Variants in UNC93A observed in about 807,000 individuals in gnomAD.
UNC93A encodes unc-93 homolog A, also known as N-acetylglucosamine transporter UNC93A.
UNC93A carries 43 observed loss-of-function variants against 47.5 expected under a neutral mutation model. That is an observed-to-expected ratio of 0.91 (90% CI 0.71 to 1.17). The LOEUF (loss-of-function observed/expected upper bound fraction) is 1.17, where lower values mean the gene tolerates loss of function less well. Among genes scored for constraint, UNC93A ranks in the 50% most tolerant of loss-of-function variants. The pLI is 0.00. For synonymous variants in UNC93A, 280 were observed against 258.0 expected (o/e 1.09, Z -0.82); for missense variants, 605 against 577.6 (o/e 1.05, Z -0.49).
chr6:167,308,787 C>T (rs529141252), intron 7 of UNC93A, among the ~76,000 whole-genome samples: 2 of 152,140 alleles, frequency 1.3e-5, no homozygotes, highest in East Asian at 3.9e-4. Context: ...TATGTGGAGT[C>T]GGCCCCGTGT....
chr6:167,314,177 A>G (rs1223484325), intron 7 of UNC93A, among the ~76,000 whole-genome samples: 1 of 152,168 alleles, frequency 6.6e-6, no homozygotes, highest in Non-Finnish European at 1.5e-5. Context: ...CTCCAGCACT[A>G]AGGGAGGGGT....
rs412495 is a variant in UNC93A at position 167,275,452 on chromosome 6, C to A, written c.-52+3994C>A. Among the ~76,000 whole-genome samples, 2 of 152,116 alleles carry A rather than the reference C, an allele frequency of 1.3e-5. 1 individual carries two copies. Among genetic ancestry groups the A allele is most frequent in the Admixed American group, 1.3e-4 (2 of 15,294 alleles). On this transcript the variant is annotated intron_variant, in intron 1 of 3. Transcript: ENST00000503433. Reference sequence around the variant, plus strand: ...ATCAGTTTCCAGGAGCTGGCACTCTCCACATTTGGGCTTTCATGATACCTG... The same window carrying A: ...ATCAGTTTCCAGGAGCTGGCACTCTACACATTTGGGCTTTCATGATACCTG...
chr6:167,312,356 C>T (rs1033885823), intron 7 of UNC93A, among the ~76,000 whole-genome samples: 3 of 152,044 alleles, frequency 2.0e-5, no homozygotes, highest in Non-Finnish European at 4.4e-5. Context: ...CGCGGTTCTG[C>T]GGGAGCGAGT....
At chr6:167,297,010 A>G (rs182666785) in intron 3 of UNC93A, among the ~76,000 whole-genome samples, 117 of 152,238 alleles carry the variant, frequency 7.7e-4, no homozygotes, top group Non-Finnish European at 1.3e-3. Flanking sequence ...CCTTTTTCTC[A>G]TGCGATGTCA....
At chr6:167,285,245 G>A (rs1234687397) in intron 1 of UNC93A, among the ~76,000 whole-genome samples, 5 of 151,908 alleles carry the variant, frequency 3.3e-5, no homozygotes, top group Non-Finnish European at 7.4e-5. Flanking sequence ...TAGGCCAAGG[G>A]GAGGGGCCCT....
chr6:167,288,699 A>C (rs1224831882), upstream of UNC93A, among the ~76,000 whole-genome samples: 2 of 152,248 alleles, frequency 1.3e-5, no homozygotes, highest in Non-Finnish European at 2.9e-5. Context: ...ATTCCTTAAA[A>C]AAGCAAACCA....
At chr6:167,309,475 A>T (rs1466887774) in intron 7 of UNC93A, among the ~76,000 whole-genome samples, 1 of 152,110 alleles carries the variant, frequency 6.6e-6, no homozygotes, top group Non-Finnish European at 1.5e-5. Flanking sequence ...AGAGATGCTG[A>T]TGAGGTGAGA....
At chr6:167,298,185 T>C (rs765617476) in intron 4 of UNC93A, 115 bp downstream of exon 4, 7 of 1,454,242 alleles carry the variant, frequency 4.8e-6, no homozygotes, top group Non-Finnish European at 6.4e-6. Context: ...TCTTCTGAAA[T>C]ATCCTTGCAA....
chr6:167,305,049 C>A (rs886350701), intron 5 of UNC93A, among the ~76,000 whole-genome samples: 10 of 152,166 alleles, frequency 6.6e-5, no homozygotes, highest in African/African-American at 2.2e-4. Context: ...AGAGCTGGAC[C>A]AGCAAGGGCC....
intron 2 of UNC93A, among the ~76,000 whole-genome samples, chr6:167,294,910 C>G (rs567724909): frequency 1.3e-5 from 2 of 152,244 alleles, no homozygotes; most frequent in Admixed American, 6.5e-5. Flanking sequence ...CTGTGCCCCC[C>G]ACTGCTTCTG....
chr6:167,294,564 C>G lies in UNC93A; in HGVS notation c.135C>G (p.Thr45=), dbSNP rs553492986. 106 of 1,613,974 alleles carry G rather than the reference C, an allele frequency of 6.6e-5. No homozygotes were observed. The highest frequency in any genetic ancestry group is 1.0e-4 in the Admixed American group (6 of 59,990). The stretch of plus-strand genomic sequence containing the variant: ...GCCTGGGTGTCACAGCGCTCAGCAC[C>G]CTCTATGGAGGCATGCTCCTGTCCT... ...EEGLGVTALS[T]LYGGMLLSSM... The change falls in exon 2 of 8, where the codon ACC becomes ACG. Residue 45 remains threonine, a synonymous_variant. Transcript: ENST00000230256.
chr6:167,283,870 T>G (rs914532213), intron 1 of UNC93A, among the ~76,000 whole-genome samples: 2 of 152,088 alleles, frequency 1.3e-5, no homozygotes, highest in Admixed American at 1.3e-4. Context: ...AGACAGTAAT[T>G]TGTAGATATT....
chr6:167,307,952 G>T lies in UNC93A; in HGVS notation c.1108+42G>T, dbSNP rs774949313. 9 of 1,607,730 alleles carry T rather than the reference G, an allele frequency of 5.6e-6. No homozygotes were observed. In the South Asian group the frequency reaches 8.8e-5, roughly 16 times the overall value. ...GGCCCCTTCCTCTGTGGCAGCAGGG[G>T]GCGGTCCCTGGCCAAGGCAACTGTG... is the stretch of plus-strand genomic sequence containing the variant. On this transcript the variant is annotated intron_variant, in intron 7 of 7. Coordinates refer to ENST00000230256, the MANE Select transcript of UNC93A (RefSeq NM_018974.4).
chr6:167,306,417 G>A (rs1023849681), intron 6 of UNC93A, among the ~76,000 whole-genome samples: 3 of 152,196 alleles, frequency 2.0e-5, no homozygotes, highest in Non-Finnish European at 4.4e-5. Context: ...AAGACACGCT[G>A]GGGTTGGGGC....
intron 2 of UNC93A, 23 bp downstream of exon 2, chr6:167,294,721 C>T: frequency 6.4e-7 from 1 of 1,568,450 alleles, no homozygotes; most frequent in East Asian, 2.3e-5. Context: ...CACCCCCTGC[C>T]CACCCCACCC....
intron 1 of UNC93A, among the ~76,000 whole-genome samples, chr6:167,280,623 C>G (rs1783616438): frequency 6.6e-6 from 1 of 152,300 alleles, no homozygotes; most frequent in South Asian, 2.1e-4. Flanking sequence ...TCTAGGTCAG[C>G]TGGAGTGGCT....
Position 167,315,427 on chromosome 6 carries a change from A to G in UNC93A, c.1349A>G (p.Asp450Gly), listed in dbSNP as rs1213761960. 3 of 1,614,002 alleles carry G rather than the reference A, an allele frequency of 1.9e-6. No individual in the cohort carries two copies. In the South Asian group the frequency reaches 3.3e-5, roughly 18 times the overall value. The change falls in exon 8 of 8, where the codon GAT (aspartate) becomes GGT (glycine). Residue 450 changes from aspartate (D) to glycine (G), a missense_variant. Coordinates refer to ENST00000230256, the MANE Select transcript of UNC93A (RefSeq NM_018974.4). ...CCAGGACAGGTCAACCAGGCAGAGG[A>G]TGAAGAAATACAAACAAAAATGTGA... ...HAPGQVNQAE[D>G]EEIQTKM
intron 1 of UNC93A, among the ~76,000 whole-genome samples, chr6:167,276,934 T>C (rs1583058983): frequency 2.0e-5 from 3 of 152,198 alleles, no homozygotes; most frequent in Admixed American, 2.0e-4. Flanking sequence ...ACGCTGGCTG[T>C]CTTTGCTGTT....
chr6:167,312,164 A>C (rs992324977), intron 7 of UNC93A, among the ~76,000 whole-genome samples: 8 of 152,002 alleles, frequency 5.3e-5, no homozygotes, highest in Non-Finnish European at 1.2e-4. Context: ...TTTTCTCATG[A>C]TTAGGCTGGG....
Sources: allele counts gnomAD v4.1 joint callset (sites outside exome capture counted in the v4.1 genomes callset), GRCh38; gene constraint gnomAD v4.1.1; transcripts MANE v1.5; gene names NCBI Gene and HGNC (gene_info 2026-07-23, HGNC 2026-07-21).